Variants in CCDC187 observed in about 807,000 individuals in gnomAD.
CCDC187 encodes coiled-coil domain containing 187.
CCDC187 carries 32 observed loss-of-function variants against 38.0 expected under a neutral mutation model. The observed-to-expected ratio is 0.84, with a 90% confidence interval of 0.64 to 1.13. The LOEUF (loss-of-function observed/expected upper bound fraction) is 1.13. CCDC187 is among the 50% of genes most tolerant of loss of function. CCDC187 has a pLI of 0.00. For synonymous variants in CCDC187, 333 were observed against 347.9 expected (o/e 0.96, Z 0.48); for missense variants, 707 against 786.8 (o/e 0.90, Z 1.21).
intron 4 of CCDC187, among the ~76,000 whole-genome samples, chr9:136,293,909 TAC>T (rs1217809386): frequency 2.0e-5 from 3 of 146,756 alleles, no homozygotes; most frequent in Non-Finnish European, 3.0e-5. Context: ...CACACACTCA[TAC>T]ACTCATATAC....
At chr9:136,291,738 G>A (rs1831337376) in intron 5 of CCDC187, 93 bp from the exon 6 acceptor site, 12 of 398,192 alleles carry the variant, frequency 3.0e-5, no homozygotes, top group Admixed American at 4.4e-5. Flanking sequence ...GAGTGTGGGG[G>A]CGGTGAGGAG....
chr9:136,300,809 C>T (rs1338439059), intron 2 of CCDC187, among the ~76,000 whole-genome samples: 1 of 152,218 alleles, frequency 6.6e-6, no homozygotes, highest in Non-Finnish European at 1.5e-5. Context: ...CCATGTTGGC[C>T]AGGCTAGTCT....
chr9:136,304,856 G>A (rs1831774444), upstream of CCDC187, among the ~76,000 whole-genome samples: 1 of 152,226 alleles, frequency 6.6e-6, no homozygotes, highest in African/African-American at 2.4e-5. Context: ...CCCTTCCCAA[G>A]TGGCCCCAGA....
In CCDC187 at chr9:136,254,252, G is replaced by A; in HGVS notation, c.5576C>T (p.Thr1859Ile). ...TSESLMGVSDTGEALQAPPEA... is the reference protein window; with the variant it reads ...TSESLMGVSDIGEALQAPPEA... Reference sequence around the variant, plus strand: ...AGGGGGTGCCTGGAGGGCTTCTCCTGTGTCTGACACCCCCATCAGGCTCTC... The same window carrying A: ...AGGGGGTGCCTGGAGGGCTTCTCCTATGTCTGACACCCCCATCAGGCTCTC... Residue 1859 changes from threonine to isoleucine, a missense_variant, in exon 26 of 26, where the codon ACA (threonine) becomes ATA (isoleucine). Thr to Ile is a moderately conservative substitution (Grantham distance 89). Transcript: ENST00000638797. The A allele has an allele frequency of 1.0e-6, 1 of 985,414 alleles. No individual in the cohort carries two copies. The highest frequency in any genetic ancestry group is 1.2e-6 in the Non-Finnish European group (1 of 829,964). 61.0% of individuals were successfully genotyped at this position (985,414 alleles called of 1,614,324 possible).
In CCDC187 at chr9:136,251,146, C is replaced by T; in HGVS notation, c.*2448G>A. On this transcript the variant is annotated 3_prime_UTR_variant, in exon 26 of 26. Transcript: ENST00000638797. Reference sequence around the variant, plus strand: ...GATCAGTGCTGGGACACAGATGTCCCTAAGGCCAACACGCTGCTCATCAAC... The same window carrying T: ...GATCAGTGCTGGGACACAGATGTCCTTAAGGCCAACACGCTGCTCATCAAC... 2 of 416,508 alleles carry T rather than the reference C, an allele frequency of 4.8e-6. No individual in the cohort carries two copies. The highest frequency in any genetic ancestry group is 3.3e-5 in the South Asian group (2 of 61,346). The allele number at this position is 416,508 out of a possible 1,614,324, so 25.8% of individuals were successfully genotyped here. A position where few individuals can be genotyped will look rare whatever the true frequency, so the allele number is the denominator to read the frequency against.
At chr9:136,304,889 C>T (rs1433690107), upstream of CCDC187, among the ~76,000 whole-genome samples, 2 of 152,192 alleles carry the variant, frequency 1.3e-5, no homozygotes, top group African/African-American at 4.8e-5. Context: ...GCGCGAAAGA[C>T]CTCTTAAGTC....
intron 3 of CCDC187, among the ~76,000 whole-genome samples, chr9:136,299,728 T>C (rs1831627693): frequency 6.6e-6 from 1 of 152,184 alleles, no homozygotes; most frequent in African/African-American, 2.4e-5. Context: ...GGTGGGGCCC[T>C]TGGCCCCAGC....
intron 23 of CCDC187, 32 bp from the exon 24 acceptor site, chr9:136,256,355 G>A (rs1830612732): frequency 1.0e-6 from 1 of 960,300 alleles, no homozygotes; most frequent in Non-Finnish European, 1.2e-6. Context: ...GACACTGTTG[G>A]GGTGTGGCCT....
Position 136,303,125 on chromosome 9 carries a change from C to A in CCDC187, c.312G>T (p.Pro104=), listed in dbSNP as rs1343031885. 1.1e-4 allele frequency: 42 copies of A among 398,656 alleles called. No individual in the cohort carries two copies. The Admixed American group carries it at 1.4e-3, about 13-fold the overall frequency. The allele number at this position is 398,656 out of a possible 1,614,324, so 24.7% of individuals were successfully genotyped here. ...CCGAGCTGTCCCCATCCCTAGCCTCCGGGCCTGTGGACCACATGGGCAGGC... is the reference window on the plus strand; with the variant it reads ...CCGAGCTGTCCCCATCCCTAGCCTCAGGGCCTGTGGACCACATGGGCAGGC... ...ACSLPMWSTG[P]EARDGDSSVS... is the part of the protein sequence containing the mutation. The change falls in exon 2 of 26, where the codon CCG becomes CCT. Residue 104 remains proline, a synonymous_variant. Coordinates refer to ENST00000638797, the MANE Select transcript of CCDC187 (RefSeq NM_001378188.1).
At chr9:136,266,122 C>T (rs1830741585) in intron 16 of CCDC187, 79 bp from the exon 17 acceptor site, 1 of 845,800 alleles carries the variant, frequency 1.2e-6, no homozygotes, top group Non-Finnish European at 1.4e-6. Flanking sequence ...CACAGCCAGC[C>T]CTGGTCGGCC....
chr9:136,293,701 C>T (rs1831442730), intron 4 of CCDC187, among the ~76,000 whole-genome samples: 1 of 152,090 alleles, frequency 6.6e-6, no homozygotes, highest in Non-Finnish European at 1.5e-5. Flanking sequence ...CACACATGCT[C>T]AGTCACATGC....
At chr9:136,292,962 G>C (rs1831372204) in intron 4 of CCDC187, among the ~76,000 whole-genome samples, 1 of 152,328 alleles carries the variant, frequency 6.6e-6, no homozygotes, top group African/African-American at 2.4e-5. Context: ...CGCTCATCCA[G>C]GTGGCACTTC....
chr9:136,290,464 C>T (rs2131304047), intron 6 of CCDC187, 22 bp downstream of exon 6: 1 of 398,460 alleles, frequency 2.5e-6, no homozygotes, highest in East Asian at 3.6e-5. Context: ...CCGAGTCCCC[C>T]CAACCCAACC....
chr9:136,293,201 TCA>T (rs1292762896), intron 4 of CCDC187, among the ~76,000 whole-genome samples: 11 of 113,926 alleles, frequency 9.7e-5, no homozygotes, highest in African/African-American at 1.7e-4. Context: ...GCTCACACAC[TCA>T]CAAACACATG....
At position 136,251,936 on chromosome 9, in the gene CCDC187, GCCGC is replaced by G. The variant is rs1830545017; in HGVS notation, c.*1654_*1657del. Reference sequence around the variant, plus strand: ...ACCTGGTCCACCCTGGGAAGAGCCGGCCGCCCACCCAGTCCACCCCGGGAAGGTC... The same window carrying G: ...ACCTGGTCCACCCTGGGAAGAGCCGGCCACCCAGTCCACCCCGGGAAGGTC... On this transcript the variant is annotated 3_prime_UTR_variant, in exon 26 of 26. Transcript: ENST00000638797. 1 of 126,374 alleles carries G rather than the reference GCCGC, an allele frequency of 7.9e-6. No individual in the cohort carries two copies. 7.8% of individuals were successfully genotyped at this position (126,374 alleles called of 1,614,324 possible).
rs1830577069 is a variant in CCDC187 at position 136,253,704 on chromosome 9, GC to G, written c.6123del (p.Glu2044ArgfsTer123). The G allele has an allele frequency of 7.1e-6, 7 of 985,420 alleles. No individual in the cohort carries two copies. Among genetic ancestry groups the G allele is most frequent in the Non-Finnish European group, 8.4e-6 (7 of 829,978 alleles). The allele number at this position is 985,420 out of a possible 1,614,324, so 61.0% of individuals were successfully genotyped here. On this transcript the variant is annotated frameshift_variant, in exon 26 of 26. Transcript: ENST00000638797. LOFTEE classifies it low-confidence loss of function (END_TRUNC). ...CSDAFPSPPS[G>X]PLEEDTAITT... The stretch of plus-strand genomic sequence containing the variant: ...GTGATGGCGGTGTCCTCCTCAAGGG[GC>G]CCCGAGGGCGGGGAAGGGAAGGCAT...
upstream of CCDC187, among the ~76,000 whole-genome samples, chr9:136,305,460 C>A (rs1831785350): frequency 6.6e-6 from 1 of 152,182 alleles, no homozygotes; most frequent in East Asian, 1.9e-4. Context: ...GCCTCTGCTT[C>A]CCAGGGCCAT....
In CCDC187 at chr9:136,251,061, G is replaced by A. The variant is rs1020585401; in HGVS notation, c.*2533C>T. The A allele has an allele frequency of 1.3e-5, 6 of 455,768 alleles. No individual in the cohort carries two copies. Among genetic ancestry groups the A allele is most frequent in the Non-Finnish European group, 2.6e-5 (6 of 226,608 alleles). The allele number at this position is 455,768 out of a possible 1,614,324, so 28.2% of individuals were successfully genotyped here. ...ACTGCATGCATAAAGTCTGGAGTAT[G>A]CTCCTCTCTGAAGTGGAGGAGGCCT... On this transcript the variant is annotated 3_prime_UTR_variant, in exon 26 of 26. Coordinates refer to ENST00000638797, the MANE Select transcript of CCDC187 (RefSeq NM_001378188.1).
At chr9:136,302,354 A>G (rs1831706069) in intron 2 of CCDC187, among the ~76,000 whole-genome samples, 2 of 117,444 alleles carry the variant, frequency 1.7e-5, no homozygotes, top group African/African-American at 7.4e-5. Context: ...CCCACCCCTC[A>G]CCCTTCCAAG....
Sources: allele counts gnomAD v4.1 joint callset (sites outside exome capture counted in the v4.1 genomes callset), GRCh38; gene constraint gnomAD v4.1.1; transcripts MANE v1.5; gene names NCBI Gene and HGNC (gene_info 2026-07-23, HGNC 2026-07-21).